Variants in BLTP2 observed in about 807,000 individuals in gnomAD.
BLTP2 encodes U937-associated antigen.
the BLTP2 span, chr17:28,638,366 A>T: frequency 9.9e-6 from 16 of 1,614,070 alleles, no homozygotes; most frequent in East Asian, 2.7e-4. Context: ...GGTGGTCCAC[A>T]GTTAGGACGC....
the BLTP2 span, chr17:28,637,862 T>C: frequency 5.6e-6 from 9 of 1,614,076 alleles, no homozygotes; most frequent in East Asian, 2.2e-5. Context: ...GGTAAACAAG[T>C]TCATGTCTTC....
At chr17:28,616,836 G>A in the BLTP2 span, 5 of 1,604,520 alleles carry the variant, frequency 3.1e-6, no homozygotes, top group African/African-American at 4.0e-5. The surrounding 1 kb of genome is among the most constrained non-coding windows in gnomAD (Gnocchi z 4.8). Flanking sequence ...GTAACACACA[G>A]GTGGCTTTTG....
chr17:28,623,545 TGA>T, the BLTP2 span, among the ~76,000 whole-genome samples: 6 of 150,698 alleles, frequency 4.0e-5, no homozygotes, highest in Admixed American at 6.6e-5. Context: ...TTCTGAGAAA[TGA>T]GAGTTTCTTT....
chr17:28,625,334 C>CAAAAA, the BLTP2 span, among the ~76,000 whole-genome samples: 35 of 29,004 alleles, frequency 1.2e-3, no homozygotes, highest in South Asian at 1.9e-3. Context: ...GACTCCGTCT[C>CAAAAA]AAAAAAAAAA....
the BLTP2 span, chr17:28,620,439 G>A: frequency 6.4e-7 from 1 of 1,561,546 alleles, no homozygotes; most frequent in Non-Finnish European, 8.7e-7. Context: ...TGTTACAGAA[G>A]CCCAAATAAA....
At chr17:28,639,041 G>A in the BLTP2 span, 1 of 497,318 alleles carries the variant, frequency 2.0e-6, no homozygotes, top group Non-Finnish European at 3.6e-6. Context: ...GCAAGACAAA[G>A]ACATTCCTTA....
At chr17:28,625,334 C>CAAAAAAAAAAA in the BLTP2 span, among the ~76,000 whole-genome samples, 4 of 29,046 alleles carry the variant, frequency 1.4e-4, no homozygotes, top group Non-Finnish European at 1.3e-4. Context: ...GACTCCGTCT[C>CAAAAAAAAAAA]AAAAAAAAAA....
chr17:28,639,890 G>A, the BLTP2 span: 13 of 1,613,840 alleles, frequency 8.1e-6, no homozygotes, highest in Middle Eastern at 1.6e-4. Context: ...CCAGTACCCC[G>A]ACCCATGAAC....
At chr17:28,644,124 A>G in the BLTP2 span, 2 of 1,614,242 alleles carry the variant, frequency 1.2e-6, no homozygotes, top group East Asian at 2.2e-5. Flanking sequence ...GGAAGGAGCC[A>G]ATCTTTAGCT....
chr17:28,625,799 CTT>C, the BLTP2 span, among the ~76,000 whole-genome samples: 3 of 152,142 alleles, frequency 2.0e-5, no homozygotes, highest in Non-Finnish European at 4.4e-5. Flanking sequence ...GAGTTTCACT[CTT>C]GTTGCCCAGG....
chr17:28,615,912 A>G, the BLTP2 span: 1 of 1,213,364 alleles, frequency 8.2e-7, no homozygotes, highest in Non-Finnish European at 1.2e-6. Context: ...TAACCTACAG[A>G]TACTGATTTC....
chr17:28,633,457 C>G, the BLTP2 span: 1 of 1,578,782 alleles, frequency 6.3e-7, no homozygotes, highest in South Asian at 1.1e-5. Context: ...ATCCTCATCT[C>G]CCAAATCAGC....
chr17:28,638,299 T>C, the BLTP2 span: 5 of 1,613,368 alleles, frequency 3.1e-6, no homozygotes, highest in East Asian at 8.9e-5. Flanking sequence ...CAAACATGCA[T>C]ATTGGGTGGG....
the BLTP2 span, among the ~76,000 whole-genome samples, chr17:28,626,655 A>G: frequency 6.6e-6 from 1 of 152,182 alleles, no homozygotes; most frequent in African/African-American, 2.4e-5. Context: ...TACATAATGA[A>G]GTCTCCATTA....
At chr17:28,634,071 T>C in the BLTP2 span, 1 of 1,614,124 alleles carries the variant, frequency 6.2e-7, no homozygotes, top group Non-Finnish European at 8.5e-7. Context: ...GTACCGTGGA[T>C]AGTCCCTGAT....
chr17:28,634,794 A>G, the BLTP2 span: 4 of 1,613,916 alleles, frequency 2.5e-6, no homozygotes, highest in Non-Finnish European at 3.4e-6. Flanking sequence ...AGAGCTCCTC[A>G]ATTTTGCGGG....
At chr17:28,616,581 C>T in the BLTP2 span, 1 of 1,613,984 alleles carries the variant, frequency 6.2e-7, no homozygotes, top group South Asian at 1.1e-5. The surrounding 1 kb of genome is among the most constrained non-coding windows in gnomAD (Gnocchi z 4.8). Context: ...GGGGTTGCTA[C>T]CCTATTCTTC....
the BLTP2 span, among the ~76,000 whole-genome samples, chr17:28,626,864 G>C: frequency 6.6e-6 from 1 of 152,210 alleles, no homozygotes; most frequent in Admixed American, 6.5e-5. Context: ...AGTCCTGTGA[G>C]CTGCTCTAGC....
the BLTP2 span, chr17:28,643,484 AG>A: frequency 7.4e-7 from 1 of 1,343,306 alleles, no homozygotes; most frequent in Non-Finnish European, 1.1e-6. Context: ...CCAGGCTAAC[AG>A]GAAGACTTCA....
Sources: gnomAD v4.1 joint callset for allele counts (sites outside exome capture counted in the v4.1 genomes callset) on GRCh38, gnomAD v4.1.1 for gene constraint, Gnocchi (gnomAD v3.1) non-coding constraint, MANE v1.5 for transcripts, NCBI Gene and HGNC (gene_info 2026-07-23, HGNC 2026-07-21) for gene names.